CADM2: variants seen among roughly 807,000 people sequenced by gnomAD.
CADM2 encodes the protein cell adhesion molecule 2, also known as immunoglobulin superfamily member 4D.
A neutral mutation model predicts 49.8 loss-of-function variants in CADM2; 12 were observed. That is an observed-to-expected ratio of 0.24 (90% confidence interval 0.15 to 0.39). The LOEUF is 0.39. Among genes scored for constraint, CADM2 ranks in the 10% least tolerant of loss-of-function variants. The pLI is 1.00. For synonymous variants in CADM2, 214 were observed against 175.4 expected (o/e 1.22, Z -1.74); for missense variants, 378 against 492.3 (o/e 0.77, Z 2.20).
chr3:85,418,702 A>G (rs1235387897), intron 1 of CADM2, among the ~76,000 whole-genome samples: 2 of 152,178 alleles, frequency 1.3e-5, no homozygotes, highest in Non-Finnish European at 2.9e-5. Context: ...TGAAACATTC[A>G]TAAATAGAGT....
intron 1 of CADM2, among the ~76,000 whole-genome samples, chr3:85,313,593 C>T (rs1327861335): frequency 2.0e-5 from 3 of 152,100 alleles, no homozygotes; most frequent in Non-Finnish European, 2.9e-5. Context: ...GATGGCATCT[C>T]GTCAAGGAAT....
intron 8 of CADM2, among the ~76,000 whole-genome samples, chr3:86,060,196 A>C (rs1377036112): frequency 6.6e-6 from 1 of 151,536 alleles, no homozygotes; most frequent in Non-Finnish European, 1.5e-5. Context: ...TCTACAACAA[A>C]TTTTAACAGA....
rs1339047777 is a variant in CADM2, at chr3:86,018,340, G to A, written c.971-47265G>A. 1.6e-4 allele frequency among the ~76,000 whole-genome samples: 23 copies of A among 142,734 alleles called. No homozygotes were observed. In the South Asian group the frequency reaches 3.6e-3, roughly 22 times the overall value. The allele number at this position is 142,734 out of a possible 152,430, so 93.6% of individuals were successfully genotyped here. A position where few individuals can be genotyped will look rare whatever the true frequency, so the allele number is the denominator to read the frequency against. ...GTGAATAATGCCGCAATAAACATAC[G>A]TGTGCATGTGTCTTTATAGCAGCAT... On this transcript the variant is annotated intron_variant, in intron 8 of 9. Coordinates refer to ENST00000383699, the MANE Select transcript of CADM2 (RefSeq NM_001167675.2).
intron 1 of CADM2, among the ~76,000 whole-genome samples, chr3:85,269,193 C>A (rs111281574): frequency 0.068 from 10,317 of 151,304 alleles, 1,150 homozygotes; most frequent in African/African-American, 0.23. Flanking sequence ...GCCCAGGATT[C>A]TAATAATAAA....
At chr3:85,274,323 A>G (rs1388008468) in intron 1 of CADM2, among the ~76,000 whole-genome samples, 1 of 151,566 alleles carries the variant, frequency 6.6e-6, no homozygotes, top group African/African-American at 2.4e-5. Context: ...CAATAAAGAA[A>G]AAATGTACTA....
chr3:85,578,494 TC>T (rs1184608443), intron 1 of CADM2, among the ~76,000 whole-genome samples: 2 of 152,244 alleles, frequency 1.3e-5, no homozygotes, highest in African/African-American at 4.8e-5. Context: ...AATAAATAGA[TC>T]AAGACTTTAG....
At chr3:85,558,982 C>T (rs1049157614) in intron 1 of CADM2, among the ~76,000 whole-genome samples, 11 of 152,122 alleles carry the variant, frequency 7.2e-5, no homozygotes, top group Admixed American at 2.6e-4. Context: ...AGACTGATTA[C>T]GTATGCATTT....
At chr3:85,449,694 AACAG>A (rs1261735281) in intron 1 of CADM2, among the ~76,000 whole-genome samples, 36 of 152,290 alleles carry the variant, frequency 2.4e-4, no homozygotes, top group Admixed American at 4.6e-4. Context: ...AAATGTGGAA[AACAG>A]ACAATCAGTT....
chr3:85,311,931 C>T (rs2044354637), intron 1 of CADM2, among the ~76,000 whole-genome samples: 1 of 152,144 alleles, frequency 6.6e-6, no homozygotes, highest in South Asian at 2.1e-4. Context: ...GTGACTATGT[C>T]CTTGTGGTAT....
At chr3:85,010,630 A>G (rs73843263) in intron 1 of CADM2, among the ~76,000 whole-genome samples, 1 of 151,972 alleles carries the variant, frequency 6.6e-6, no homozygotes, top group African/African-American at 2.4e-5. Flanking sequence ...AATCTTTGCT[A>G]CATCTTAAAG....
chr3:85,908,213 G>A (rs1357876971), intron 5 of CADM2, among the ~76,000 whole-genome samples: 1 of 148,936 alleles, frequency 6.7e-6, no homozygotes, highest in Non-Finnish European at 1.5e-5. Context: ...AAAAAAAATT[G>A]GATGCAAGAA....
chr3:85,773,783 T>A (rs2070221741), intron 2 of CADM2, among the ~76,000 whole-genome samples: 1 of 151,980 alleles, frequency 6.6e-6, no homozygotes, highest in Non-Finnish European at 1.5e-5. Context: ...TCATTCCTGA[T>A]CCTCAGTATT....
intron 1 of CADM2, among the ~76,000 whole-genome samples, chr3:85,588,197 A>G (rs1473250234): frequency 6.6e-6 from 1 of 152,066 alleles, no homozygotes; most frequent in Non-Finnish European, 1.5e-5. Flanking sequence ...GCATATATCC[A>G]GGTAACAACA....
chr3:85,946,940 A>T (rs1018559950), intron 7 of CADM2, among the ~76,000 whole-genome samples: 1 of 152,178 alleles, frequency 6.6e-6, no homozygotes, highest in Non-Finnish European at 1.5e-5. Context: ...GCCAAAATTG[A>T]TAAATGAGAT....
intron 1 of CADM2, among the ~76,000 whole-genome samples, chr3:85,078,517 C>T (rs1417320068): frequency 2.0e-5 from 3 of 151,818 alleles, no homozygotes; most frequent in African/African-American, 7.2e-5. Context: ...TGTAGCATTA[C>T]ATCATCAATG....
intron 1 of CADM2, among the ~76,000 whole-genome samples, chr3:85,442,942 T>C (rs2107547406): frequency 6.6e-6 from 1 of 151,996 alleles, no homozygotes; most frequent in Non-Finnish European, 1.5e-5. Context: ...TTTCCTGATA[T>C]ATTTAATATA....
intron 1 of CADM2, among the ~76,000 whole-genome samples, chr3:85,523,759 C>A (rs1369032102): frequency 6.6e-6 from 1 of 151,702 alleles, no homozygotes; most frequent in Non-Finnish European, 1.5e-5. Flanking sequence ...TTTTTTACTG[C>A]AACACATTAT....
At chr3:85,314,317 GT>G (rs560263286) in intron 1 of CADM2, among the ~76,000 whole-genome samples, 123 of 150,302 alleles carry the variant, frequency 8.2e-4, no homozygotes, top group Non-Finnish European at 8.3e-4. Flanking sequence ...CTTTATGCAC[GT>G]TTTTTTCTTA....
intron 1 of CADM2, among the ~76,000 whole-genome samples, chr3:85,670,287 A>T (rs921536223): frequency 5.9e-5 from 9 of 152,172 alleles, no homozygotes; most frequent in African/African-American, 1.9e-4. Flanking sequence ...GTTTTTCAGG[A>T]GAGAATAACT....
Sources: gnomAD v4.1 joint callset for allele counts (sites outside exome capture counted in the v4.1 genomes callset) on GRCh38, gnomAD v4.1.1 for gene constraint, MANE v1.5 for transcripts, NCBI Gene and HGNC (gene_info 2026-07-23, HGNC 2026-07-21) for gene names.